MGAT5: variants seen among roughly 807,000 people sequenced by gnomAD.
The protein encoded by MGAT5 is alpha-1,6-mannosylglycoprotein 6-beta-N-acetylglucosaminyltransferase A.
In MGAT5, 30 loss-of-function variants were observed where a neutral mutation model predicts 94.3. The ratio of observed to expected loss-of-function variants is 0.32; its 90% CI spans 0.24 to 0.43. MGAT5 has a LOEUF of 0.43. Among genes scored for constraint, MGAT5 ranks in the 20% least tolerant of loss-of-function variants. MGAT5 has a pLI of 1.00. For missense variants in MGAT5, 691 were observed against 905.5 expected (o/e 0.76, Z 3.04); for synonymous variants, 310 against 322.9 (o/e 0.96, Z 0.43).
intron 9 of MGAT5, among the ~76,000 whole-genome samples, chr2:134,355,925 T>A (rs911569598): frequency 1.3e-5 from 2 of 152,246 alleles, no homozygotes; most frequent in African/African-American, 2.4e-5. Context: ...TATTTTTATA[T>A]CCTACAAAAA....
intron 14 of MGAT5, among the ~76,000 whole-genome samples, chr2:134,437,982 TC>T (rs1174036650): frequency 7.5e-5 from 11 of 146,824 alleles, no homozygotes; most frequent in African/African-American, 2.8e-4. Context: ...GCCACTGCAC[TC>T]CTGCCTGGGT....
upstream of MGAT5, among the ~76,000 whole-genome samples, chr2:134,251,867 T>C (rs1053532177): frequency 6.6e-6 from 1 of 152,138 alleles, no homozygotes; most frequent in Non-Finnish European, 1.5e-5. Flanking sequence ...AATGTAACTT[T>C]TTACCCATTG....
intron 2 of MGAT5, among the ~76,000 whole-genome samples, chr2:134,276,966 G>A (rs559879156): frequency 1.3e-5 from 2 of 152,256 alleles, no homozygotes; most frequent in African/African-American, 4.8e-5. Context: ...AAGGATAGCT[G>A]GGTGACTCAT....
At chr2:134,270,750 A>G (rs1683980289) in intron 2 of MGAT5, among the ~76,000 whole-genome samples, 200 bp downstream of exon 2, 1 of 152,242 alleles carries the variant, frequency 6.6e-6, no homozygotes, top group Admixed American at 6.5e-5. Flanking sequence ...ATCATGATGC[A>G]TAATATTTGG....
At chr2:134,416,144 G>A (rs1026487596) in intron 12 of MGAT5, among the ~76,000 whole-genome samples, 7 of 152,200 alleles carry the variant, frequency 4.6e-5, no homozygotes, top group African/African-American at 1.2e-4. Flanking sequence ...ACCATTTATC[G>A]TTAAAGTTTT....
intron 9 of MGAT5, among the ~76,000 whole-genome samples, chr2:134,361,971 C>A (rs973566275): frequency 1.3e-5 from 2 of 152,140 alleles, no homozygotes; most frequent in African/African-American, 4.8e-5. Context: ...TGGACAGTAG[C>A]CTTATTCTGA....
rs187361916 is a variant in MGAT5 at position 134,186,049 on chromosome 2, C to A, written c.-143+65758C>A. On this transcript the variant is annotated intron_variant, in intron 1 of 16. Coordinates refer to the MGAT5 transcript ENST00000409645. ...TGTGTGGGGCTTGGGGCTCGGGGCT[C>A]ACATAGCATGACTTACTGTTTGCAA... Among the ~76,000 whole-genome samples, 2 of 152,236 alleles carry A rather than the reference C, an allele frequency of 1.3e-5. 1 individual carries two copies. The highest frequency in any genetic ancestry group is 1.3e-4 in the Admixed American group (2 of 15,300).
chr2:134,388,297 A>G (rs1410773800), intron 10 of MGAT5, among the ~76,000 whole-genome samples: 4 of 152,174 alleles, frequency 2.6e-5, no homozygotes, highest in Admixed American at 6.5e-5. Flanking sequence ...AGCTTCACCA[A>G]TGATCAACTC....
intron 1 of MGAT5, among the ~76,000 whole-genome samples, chr2:134,175,236 T>G (rs182086855): frequency 6.6e-5 from 10 of 152,368 alleles, no homozygotes; most frequent in Admixed American, 6.5e-4. Flanking sequence ...TTTAAATATT[T>G]CAAATATCCA....
intron 1 of MGAT5, among the ~76,000 whole-genome samples, chr2:134,146,559 A>G (rs1237537174): frequency 8.4e-6 from 1 of 119,544 alleles, no homozygotes; most frequent in East Asian, 2.1e-4. Context: ...GACCCTATTT[A>G]AAAAAAAAAA....
chr2:134,445,122 T>G (rs989604639), intron 15 of MGAT5, among the ~76,000 whole-genome samples: 1 of 152,182 alleles, frequency 6.6e-6, no homozygotes, highest in African/African-American at 2.4e-5. Flanking sequence ...TGCAAAGAAT[T>G]CTAAGCAGTA....
chr2:134,298,818 G>T (rs1483945483), intron 2 of MGAT5, among the ~76,000 whole-genome samples: 3 of 152,110 alleles, frequency 2.0e-5, no homozygotes, highest in African/African-American at 7.2e-5. Context: ...CCATGGGTTG[G>T]GATTGGGGCT....
At chr2:134,418,158 A>G (rs1200317281) in intron 12 of MGAT5, among the ~76,000 whole-genome samples, 2 of 152,302 alleles carry the variant, frequency 1.3e-5, no homozygotes, top group Non-Finnish European at 2.9e-5. Flanking sequence ...GTAATGTTAC[A>G]TGGATCAGAT....
intron 9 of MGAT5, among the ~76,000 whole-genome samples, chr2:134,352,968 A>G (rs567377138): frequency 3.3e-5 from 5 of 152,320 alleles, no homozygotes; most frequent in East Asian, 3.9e-4. Context: ...GATGAATACC[A>G]TATGATTCCA....
chr2:134,331,615 G>A (rs1314571792), intron 4 of MGAT5, among the ~76,000 whole-genome samples: 5 of 152,104 alleles, frequency 3.3e-5, no homozygotes, highest in Admixed American at 1.3e-4. Context: ...TGGCGTTGAC[G>A]GCAGGGGGTT....
chr2:134,393,451 T>G (rs1220341562), intron 10 of MGAT5, among the ~76,000 whole-genome samples: 1 of 152,184 alleles, frequency 6.6e-6, no homozygotes, highest in Non-Finnish European at 1.5e-5. Context: ...CTTGTCTTTT[T>G]GAAGCAGTGC....
intron 2 of MGAT5, among the ~76,000 whole-genome samples, chr2:134,299,086 AT>A (rs1250373383): frequency 6.6e-6 from 1 of 152,110 alleles, no homozygotes; most frequent in Non-Finnish European, 1.5e-5. Flanking sequence ...CTTCCCTAGA[AT>A]TTATATCTTT....
intron 4 of MGAT5, among the ~76,000 whole-genome samples, chr2:134,330,753 G>A (rs945001655): frequency 1.3e-5 from 2 of 152,110 alleles, no homozygotes; most frequent in Admixed American, 6.5e-5. Context: ...CAGACTTCTC[G>A]TATGCATTTC....
intron 14 of MGAT5, among the ~76,000 whole-genome samples, chr2:134,432,464 T>A (rs1319785204): frequency 6.6e-6 from 1 of 152,188 alleles, no homozygotes; most frequent in Non-Finnish European, 1.5e-5. Flanking sequence ...GACAAGCCTG[T>A]TATGAATCTG....
Sources: allele counts gnomAD v4.1 joint callset (sites outside exome capture counted in the v4.1 genomes callset), GRCh38; gene constraint gnomAD v4.1.1; transcripts MANE v1.5; gene names NCBI Gene and HGNC (gene_info 2026-07-23, HGNC 2026-07-21).